The following PPP1R13B variants were observed in gnomAD, a reference collection of about 807,000 sequenced individuals.
PPP1R13B encodes protein phosphatase 1 regulatory subunit 13B, also known as apoptosis-stimulating of p53 protein 1.
In PPP1R13B, 44 loss-of-function variants were observed where a neutral mutation model predicts 119.8. The observed-to-expected ratio is 0.37, with a 90% CI of 0.29 to 0.47. PPP1R13B has a LOEUF of 0.47. Among genes scored for constraint, PPP1R13B ranks in the 20% least tolerant of loss-of-function variants. The probability of loss-of-function intolerance (pLI) is 0.99; values close to 1 mark genes in which losing one functional copy is unlikely to be tolerated. For synonymous variants in PPP1R13B, 542 were observed against 561.5 expected, an observed-to-expected ratio of 0.97 and a Z score of 0.49; for missense variants, 1,227 against 1,413.5, an observed-to-expected ratio of 0.87 and a Z score of 2.12.
At chr14:103,838,932 C>G (rs1472836713) in intron 1 of PPP1R13B, among the ~76,000 whole-genome samples, 1 of 152,208 alleles carries the variant, frequency 6.6e-6, no homozygotes, top group South Asian at 2.1e-4. Context: ...GTAAAGTCAC[C>G]TAGGCAATGA....
chr14:103,792,361 A>G (rs1261008368), intron 2 of PPP1R13B, among the ~76,000 whole-genome samples: 1 of 152,044 alleles, frequency 6.6e-6, no homozygotes, highest in Admixed American at 6.6e-5. Context: ...TATTTTTTGT[A>G]GAGATGGGGT....
At chr14:103,802,506 C>T (rs1214178266) in intron 1 of PPP1R13B, among the ~76,000 whole-genome samples, 1 of 152,144 alleles carries the variant, frequency 6.6e-6, no homozygotes, top group African/African-American at 2.4e-5. Flanking sequence ...TGTTCCTTAC[C>T]CTTCTACCCA....
chr14:103,798,313 G>A (rs564859043), intron 1 of PPP1R13B, among the ~76,000 whole-genome samples: 125 of 151,706 alleles, frequency 8.2e-4, no homozygotes, highest in African/African-American at 2.9e-3. Flanking sequence ...CACCACGCCC[G>A]GCTAATTTTT....
intron 1 of PPP1R13B, among the ~76,000 whole-genome samples, chr14:103,813,751 T>A (rs1217081430): frequency 6.6e-6 from 1 of 152,174 alleles, no homozygotes; most frequent in African/African-American, 2.4e-5. Flanking sequence ...CACGTATAGA[T>A]ACGTGTCTGA....
rs111376018 is a variant in PPP1R13B, at chr14:103,804,088, C to T, written c.10-6570G>A. 433 of 982,858 alleles carry T rather than the reference C, an allele frequency of 4.4e-4. 3 individuals carry two copies. In the African/African-American group the frequency reaches 6.8e-3, roughly 15 times the overall value. 60.9% of individuals were successfully genotyped at this position (982,858 alleles called of 1,614,324 possible). On this transcript the variant is annotated intron_variant, in intron 1 of 16. Transcript: ENST00000202556. ...CATCTAAGTGTGTCTTAACTTGCTC[C>T]ATTTTTTTTTTCATTCAAAAAAGTT...
At chr14:103,788,931 A>T (rs2085539723) in intron 2 of PPP1R13B, among the ~76,000 whole-genome samples, 1 of 152,128 alleles carries the variant, frequency 6.6e-6, no homozygotes. Context: ...GATAAAGTTC[A>T]TTCTCAATCA....
intron 9 of PPP1R13B, among the ~76,000 whole-genome samples, chr14:103,745,637 A>C (rs2084366705): frequency 6.6e-6 from 1 of 152,200 alleles, no homozygotes; most frequent in Non-Finnish European, 1.5e-5. Flanking sequence ...GACCAAACCA[A>C]CGATGTGTGG....
In PPP1R13B at chr14:103,740,431, G is replaced by C; in HGVS notation, c.1985C>G (p.Thr662Ser). The part of the protein sequence containing the change: ...DGPAAPADGS[T>S]VESLPRPLSP... ...GAGTGGCCGTGGCAGGCTCTCCACG[G>C]TGCTGCCATCTGCGGGGGCGGCGGG... The change falls in exon 12 of 17, where the codon ACC (threonine) becomes AGC (serine). Residue 662 changes from threonine to serine, a missense_variant. Thr to Ser is a moderately conservative substitution (Grantham distance 58). Coordinates refer to ENST00000202556, the MANE Select transcript of PPP1R13B (RefSeq NM_015316.3). The surrounding 1 kb of genome is among the most constrained non-coding windows in gnomAD (Gnocchi z 4.6). 1 of 1,602,998 alleles carries C rather than the reference G, an allele frequency of 6.2e-7. No homozygotes were observed. The highest frequency in any genetic ancestry group is 8.5e-7 in the Non-Finnish European group (1 of 1,173,752).
At chr14:103,827,390 A>AT in intron 1 of PPP1R13B, among the ~76,000 whole-genome samples, 1 of 152,058 alleles carries the variant, frequency 6.6e-6, no homozygotes, top group Non-Finnish European at 1.5e-5. Flanking sequence ...AAGCAATGAG[A>AT]TTTTGCAAAA....
intron 4 of PPP1R13B, among the ~76,000 whole-genome samples, chr14:103,775,712 A>G (rs2085172309): frequency 6.6e-6 from 1 of 152,072 alleles, no homozygotes. Context: ...TCTAGGCCCC[A>G]CTCCAGATTT....
At chr14:103,750,287 A>G (rs1245932888) in intron 7 of PPP1R13B, among the ~76,000 whole-genome samples, 1 of 152,206 alleles carries the variant, frequency 6.6e-6, no homozygotes, top group African/African-American at 2.4e-5. Flanking sequence ...CACATGATGC[A>G]CCTTACTGTG....
intron 3 of PPP1R13B, among the ~76,000 whole-genome samples, chr14:103,780,374 C>T (rs1202230625): frequency 6.7e-6 from 1 of 149,006 alleles, no homozygotes; most frequent in African/African-American, 2.5e-5. Context: ...GCGGTCCCAG[C>T]TACTTGGAAG....
At chr14:103,739,764 G>C (rs536692701) in intron 12 of PPP1R13B, 60 bp downstream of exon 12, 1 of 1,506,886 alleles carries the variant, frequency 6.6e-7, no homozygotes, top group Admixed American at 2.2e-5. Flanking sequence ...AAGGACCCCA[G>C]AGGTCCTGGT....
chr14:103,826,595 C>G (rs541788456), intron 1 of PPP1R13B, among the ~76,000 whole-genome samples: 1 of 150,954 alleles, frequency 6.6e-6, no homozygotes, highest in South Asian at 2.1e-4. Flanking sequence ...TTGAAAATTT[C>G]AAAACAAAAG....
chr14:103,818,628 CA>C (rs2086332832), intron 1 of PPP1R13B: 2 of 361,064 alleles, frequency 5.5e-6, no homozygotes, highest in South Asian at 1.1e-4. Context: ...CTCTGGGCTT[CA>C]CATTTGGGCA....
At chr14:103,788,163 G>A (rs944700895) in intron 2 of PPP1R13B, among the ~76,000 whole-genome samples, 5 of 152,034 alleles carry the variant, frequency 3.3e-5, no homozygotes, top group Admixed American at 6.6e-5. Flanking sequence ...AATGATCTGG[G>A]GGATAGATTG....
intron 3 of PPP1R13B, among the ~76,000 whole-genome samples, chr14:103,782,896 C>T (rs777190369): frequency 3.3e-5 from 5 of 151,982 alleles, no homozygotes; most frequent in Admixed American, 1.3e-4. Context: ...CCTCTGCCTC[C>T]CAGGTTCAAG....
At chr14:103,805,904 C>T (rs61995814) in intron 1 of PPP1R13B, among the ~76,000 whole-genome samples, 2 of 152,126 alleles carry the variant, frequency 1.3e-5, no homozygotes, top group East Asian at 1.9e-4. Flanking sequence ...TAGGCACAAA[C>T]TTTGTTTTGG....
rs767312340 is a variant in PPP1R13B, at chr14:103,734,722, C to T, written c.*432G>A. On this transcript the variant is annotated 3_prime_UTR_variant, in exon 17 of 17. Transcript: ENST00000202556. ...GGAAGTGTGAGAAAGGATGAGTGTC[C>T]GATTCGGTGACGGGGGGCAGGGCGG... The T allele has an allele frequency of 8.9e-5, 41 of 459,274 alleles. No individual in the cohort carries two copies. Among genetic ancestry groups the T allele is most frequent in the Admixed American group, 4.7e-4 (20 of 42,664 alleles). The allele number at this position is 459,274 out of a possible 1,614,324, so 28.4% of individuals were successfully genotyped here. A position where few individuals can be genotyped will look rare whatever the true frequency, so the allele number is the denominator to read the frequency against.
Sources: gnomAD v4.1 joint callset for allele counts (sites outside exome capture counted in the v4.1 genomes callset) on GRCh38, gnomAD v4.1.1 for gene constraint, Gnocchi (gnomAD v3.1) non-coding constraint, MANE v1.5 for transcripts, NCBI Gene and HGNC (gene_info 2026-07-23, HGNC 2026-07-21) for gene names.